The following SMG6 variants were observed in gnomAD, a reference collection of about 807,000 sequenced individuals.
SMG6 encodes the protein telomerase-binding protein EST1A.
SMG6 carries 66 observed loss-of-function variants against 142.2 expected under a neutral mutation model. The ratio of observed to expected loss-of-function variants is 0.46; its 90% CI spans 0.38 to 0.57. The LOEUF (loss-of-function observed/expected upper bound fraction) is 0.57. Among genes scored for constraint, SMG6 ranks in the 20% least tolerant of loss-of-function variants. SMG6 has a pLI of 0.00. For synonymous variants in SMG6, 779 were observed against 702.4 expected (o/e 1.11, Z -1.72); for missense variants, 1,793 against 1,832.0 (o/e 0.98, Z 0.39).
At chr17:2,240,613 G>C (rs1401792738) in intron 9 of SMG6, among the ~76,000 whole-genome samples, 5 of 152,198 alleles carry the variant, frequency 3.3e-5, no homozygotes, top group Non-Finnish European at 7.3e-5. Flanking sequence ...TCAAGATCTT[G>C]TAACTAGTAA....
intron 13 of SMG6, among the ~76,000 whole-genome samples, chr17:2,171,886 G>A (rs2071514151): frequency 6.6e-6 from 1 of 152,108 alleles, no homozygotes; most frequent in South Asian, 2.1e-4. Flanking sequence ...GTCAGTCACA[G>A]GGTATTCCTG....
intron 8 of SMG6, among the ~76,000 whole-genome samples, chr17:2,253,723 T>C (rs1312048968): frequency 6.6e-6 from 1 of 152,192 alleles, no homozygotes; most frequent in Admixed American, 6.6e-5. Context: ...AATGCATAAT[T>C]CTAAGTAAAT....
chr17:2,291,851 T>TAAAAA (rs757731719), intron 6 of SMG6, among the ~76,000 whole-genome samples: 354 of 100,448 alleles, frequency 3.5e-3, no homozygotes, highest in African/African-American at 0.013. Flanking sequence ...CCTGCCTCTC[T>TAAAAA]TAAAAAAAAA....
At chr17:2,087,503 C>T (rs2068596836) in intron 13 of SMG6, 2 of 1,043,418 alleles carry the variant, frequency 1.9e-6, no homozygotes, top group Admixed American at 4.9e-5. Flanking sequence ...GAATCTCAAG[C>T]TAAGTACTTT....
intron 13 of SMG6, among the ~76,000 whole-genome samples, chr17:2,152,943 G>C (rs1190494890): frequency 6.6e-6 from 1 of 152,182 alleles, no homozygotes; most frequent in African/African-American, 2.4e-5. Context: ...TTCAACTGGT[G>C]AATGGATAAA....
chr17:2,146,722 C>T (rs1330985200), intron 13 of SMG6, among the ~76,000 whole-genome samples: 3 of 152,124 alleles, frequency 2.0e-5, no homozygotes, highest in Non-Finnish European at 2.9e-5. Context: ...CATGCTGCCA[C>T]GCCCGGCTAA....
At chr17:2,280,507 C>A (rs1380623728) in intron 8 of SMG6, 1 of 704,656 alleles carries the variant, frequency 1.4e-6, no homozygotes, top group Admixed American at 6.3e-5. Context: ...TTGTGATCTG[C>A]TCGCCTCGGC....
intron 13 of SMG6, among the ~76,000 whole-genome samples, chr17:2,164,485 G>C (rs1214872551): frequency 6.6e-6 from 1 of 152,114 alleles, no homozygotes; most frequent in African/African-American, 2.4e-5. Flanking sequence ...GCATGCACTT[G>C]TAATCCCAGC....
intron 13 of SMG6, among the ~76,000 whole-genome samples, chr17:2,168,858 C>T (rs1453819980): frequency 6.6e-6 from 1 of 152,016 alleles, no homozygotes; most frequent in Admixed American, 6.5e-5. Context: ...AAGCAATTCT[C>T]CTGTCTCAGC....
intron 1 of SMG6, chr17:2,303,166 GA>G: frequency 1.0e-6 from 1 of 985,472 alleles, no homozygotes. Context: ...TCTTGGGGGG[GA>G]AAAGTTCAGC....
intron 8 of SMG6, among the ~76,000 whole-genome samples, chr17:2,271,075 G>T (rs1430776417): frequency 6.6e-6 from 1 of 151,352 alleles, no homozygotes; most frequent in Non-Finnish European, 1.5e-5. Flanking sequence ...GAAGCAGGAG[G>T]ATTGCTTGAG....
At chr17:2,291,958 C>G (rs992965391) in intron 6 of SMG6, among the ~76,000 whole-genome samples, 3 of 152,050 alleles carry the variant, frequency 2.0e-5, no homozygotes, top group Non-Finnish European at 4.4e-5. Flanking sequence ...TCCCCACTTT[C>G]CCCCTTGAAT....
rs1269268388 is a variant in SMG6 at position 2,151,740 on chromosome 17, T to C, written c.3357+20918A>G. Among the ~76,000 whole-genome samples, 4 of 152,054 alleles carry C rather than the reference T, an allele frequency of 2.6e-5. No homozygotes were observed. In the East Asian group the frequency reaches 7.7e-4, roughly 29 times the overall value. ...GACTTTTATCCAATGGGGCAGGACATTTTCCCTACACCTATGCGGCTGCCC... is the reference window on the plus strand; with the variant it reads ...GACTTTTATCCAATGGGGCAGGACACTTTCCCTACACCTATGCGGCTGCCC... On this transcript the variant is annotated intron_variant, in intron 13 of 18. Coordinates refer to ENST00000263073, the MANE Select transcript of SMG6 (RefSeq NM_017575.5).
At chr17:2,206,094 C>T (rs2072672598) in intron 10 of SMG6, among the ~76,000 whole-genome samples, 1 of 152,160 alleles carries the variant, frequency 6.6e-6, no homozygotes, top group African/African-American at 2.4e-5. Flanking sequence ...TAGGCGTGAG[C>T]AATTGCACCC....
intron 13 of SMG6, among the ~76,000 whole-genome samples, chr17:2,107,612 A>G (rs1417845570): frequency 6.6e-6 from 1 of 152,212 alleles, no homozygotes; most frequent in African/African-American, 2.4e-5. Flanking sequence ...GGGCTGGGGC[A>G]GCTCCTCTGG....
intron 8 of SMG6, among the ~76,000 whole-genome samples, chr17:2,260,585 T>C (rs2074288345): frequency 6.6e-6 from 1 of 152,158 alleles, no homozygotes; most frequent in Non-Finnish European, 1.5e-5. Context: ...TGAAAATCAA[T>C]CTTAACAAGG....
chr17:2,280,535 T>C (rs934551341), intron 8 of SMG6: 17 of 949,562 alleles, frequency 1.8e-5, no homozygotes, highest in Admixed American at 6.2e-5. Flanking sequence ...AGTGCTGGGA[T>C]TACAGGCGTA....
Position 2,300,130 on chromosome 17 carries a change from C to T in SMG6, c.623G>A (p.Arg208Lys). 1.2e-6 allele frequency: 2 copies of T among 1,614,154 alleles called. No individual in the cohort carries two copies. The highest frequency in any genetic ancestry group is 1.7e-6 in the Non-Finnish European group (2 of 1,179,996). ...AEIEKSPGGG[R>K]VGAAKGEKGK... ...TTTTTCTCCTTTTGCAGCCCCTACT[C>T]TCCCACCACCTGGGCTCTTTTCTAT... The change falls in exon 2 of 19, where the codon AGA (arginine) becomes AAA (lysine). Residue 208 changes from arginine to lysine, a missense_variant. Arg to Lys is a conservative substitution (Grantham distance 26, BLOSUM62 2). This residue lies in a region of SMG6 where 1,597 missense variants were observed against 1,584.6 expected (regional missense o/e 1.01). Coordinates refer to ENST00000263073, the MANE Select transcript of SMG6 (RefSeq NM_017575.5).
intron 8 of SMG6, among the ~76,000 whole-genome samples, chr17:2,274,308 A>G (rs2074602129): frequency 6.6e-6 from 1 of 152,240 alleles, no homozygotes; most frequent in East Asian, 1.9e-4. Flanking sequence ...CTAGCACAAA[A>G]CTGGCACAAC....
Sources: allele counts gnomAD v4.1 joint callset (sites outside exome capture counted in the v4.1 genomes callset), GRCh38; gene constraint gnomAD v4.1.1; regional missense constraint gnomAD v4.1.1; transcripts MANE v1.5; gene names NCBI Gene and HGNC (gene_info 2026-07-23, HGNC 2026-07-21).